KLHL7: variants seen among roughly 807,000 people sequenced by gnomAD.
KLHL7 encodes the protein kelch-like protein 7.
In KLHL7, 44 loss-of-function variants were observed where a neutral mutation model predicts 67.4. The ratio of observed to expected loss-of-function variants is 0.65; its 90% CI spans 0.51 to 0.84. KLHL7 has a LOEUF of 0.84. Ranked by LOEUF, KLHL7 falls within the 40% of genes least tolerant of loss-of-function variation. The pLI, the probability that KLHL7 is intolerant of heterozygous loss-of-function variation, is 0.00. For synonymous variants in KLHL7, 252 were observed against 243.3 expected, an observed-to-expected ratio of 1.04 and a Z score of -0.33; for missense variants, 362 against 718.1, an observed-to-expected ratio of 0.50 and a Z score of 5.67.
In KLHL7 at chr7:23,174,112, A is replaced by G; in HGVS notation, c.1575A>G (p.Ala525=). 1 of 1,614,230 alleles carries G rather than the reference A, an allele frequency of 6.2e-7. No homozygotes were observed. Among genetic ancestry groups the G allele is most frequent in the East Asian group, 2.2e-5 (1 of 44,880 alleles). Reference sequence around the variant, plus strand: ...AGGGTGTAACAGTGAAATGTGCAGCAGTTGGCTCTATAGTTTATGTCTTGG... The same window carrying G: ...AGGGTGTAACAGTGAAATGTGCAGCGGTTGGCTCTATAGTTTATGTCTTGG... ...PWKGVTVKCA[A]VGSIVYVLAG... Residue 525 remains alanine (A), a synonymous_variant, in exon 11 of 11, where the codon GCA becomes GCG. Transcript: ENST00000339077.
chr7:23,162,924 C>T lies in KLHL7; in HGVS notation c.937-2774C>T, dbSNP rs113899596. 3.2e-3 allele frequency among the ~76,000 whole-genome samples: 488 copies of T among 152,178 alleles called. 5 individuals carry two copies. Among genetic ancestry groups the T allele is most frequent in the African/African-American group, 0.011 (452 of 41,518 alleles). Reference sequence around the variant, plus strand: ...CCCTAAGACCCTGCCTTCCCTAATTCGGCTCGATTTTCTCTCAAAATGATC... The same window carrying T: ...CCCTAAGACCCTGCCTTCCCTAATTTGGCTCGATTTTCTCTCAAAATGATC... On this transcript the variant is annotated intron_variant, in intron 7 of 10. Transcript: ENST00000339077.
chr7:23,173,130 G>T, intron 10 of KLHL7, 85 bp downstream of exon 10: 1 of 898,722 alleles, frequency 1.1e-6, no homozygotes, highest in South Asian at 1.3e-5. Flanking sequence ...TAAAAATCTA[G>T]ATAGAAGCAT....
chr7:23,124,073 G>A (rs1393043276), intron 2 of KLHL7, among the ~76,000 whole-genome samples, 194 bp downstream of exon 2: 1 of 151,684 alleles, frequency 6.6e-6, no homozygotes, highest in African/African-American at 2.4e-5. Context: ...AAGGCCTGAT[G>A]CCTTTATTGA....
At chr7:23,163,138 A>T (rs567437114) in intron 7 of KLHL7, among the ~76,000 whole-genome samples, 5 of 152,250 alleles carry the variant, frequency 3.3e-5, no homozygotes, top group East Asian at 3.9e-4. Flanking sequence ...GAAAATATTT[A>T]GAACTTATCA....
In KLHL7 at chr7:23,105,848, G is replaced by C; in HGVS notation, c.-179G>C. 1 of 923,772 alleles carries C rather than the reference G, an allele frequency of 1.1e-6. No homozygotes were observed. Among genetic ancestry groups the C allele is most frequent in the East Asian group, 2.7e-5 (1 of 36,800 alleles). The allele number at this position is 923,772 out of a possible 1,614,324, so 57.2% of individuals were successfully genotyped here. A position where few individuals can be genotyped will look rare whatever the true frequency, so the allele number is the denominator to read the frequency against. On this transcript the variant is annotated 5_prime_UTR_variant, in exon 1 of 11. Transcript: ENST00000339077. ...CTCCCTGAGCGTTTCTAAGGGGGCC[G>C]CCCGGCCTTGTCTTTCGGCAGTGGC...
chr7:23,131,947 C>T (rs145021118), intron 4 of KLHL7, among the ~76,000 whole-genome samples: 109 of 152,156 alleles, frequency 7.2e-4, no homozygotes, highest in African/African-American at 2.5e-3. Flanking sequence ...ACATAATTAT[C>T]TCCAGTTCCA....
chr7:23,120,072 C>G (rs1467682153), intron 1 of KLHL7, among the ~76,000 whole-genome samples: 2 of 151,840 alleles, frequency 1.3e-5, no homozygotes, highest in African/African-American at 2.4e-5. Flanking sequence ...TGCCGTGGCA[C>G]AATCTCGGCT....
In KLHL7 at chr7:23,174,294, C is replaced by T. The variant is rs769373614; in HGVS notation, c.1757C>T (p.Thr586Ile). Residue 586 changes from threonine (T) to isoleucine (I), a missense_variant, in exon 11 of 11, where the codon ACA becomes ATA. Physicochemically the swap from Thr to Ile is moderately conservative, Grantham distance 89. Around this residue, in one of 5 missense-constraint regions of KLHL7, gnomAD observed 136 missense variants for 252.7 expected, o/e 0.54. Transcript: ENST00000339077. ...GGAGCAAATGAAGAGACCCTTGAAA[C>T]ATGAAAAATGAGTGGACTTCAGACT... ...TCGANEETLE[T>I] 5 of 1,613,938 alleles carry T rather than the reference C, an allele frequency of 3.1e-6. No individual in the cohort carries two copies. The highest frequency in any genetic ancestry group is 1.7e-6 in the Non-Finnish European group (2 of 1,179,974).
chr7:23,141,465 T>C (rs1784178688), intron 5 of KLHL7, among the ~76,000 whole-genome samples: 1 of 152,248 alleles, frequency 6.6e-6, no homozygotes, highest in South Asian at 2.1e-4. Flanking sequence ...AAGTGGTTTC[T>C]CCTGTAGAGT....
At chr7:23,157,007 G>A (rs1784727079) in intron 7 of KLHL7, among the ~76,000 whole-genome samples, 1 of 152,206 alleles carries the variant, frequency 6.6e-6, no homozygotes, top group Admixed American at 6.5e-5. Context: ...TGCAGTGCCT[G>A]TATCATAGCC....
At chr7:23,111,743 ACCCG>A (rs1782878878) in intron 1 of KLHL7, among the ~76,000 whole-genome samples, 1 of 143,124 alleles carries the variant, frequency 7.0e-6, no homozygotes, top group African/African-American at 2.6e-5. Context: ...AATTGGTTGA[ACCCG>A]GGAGGCAGAG....
chr7:23,124,040 A>G (rs995917508), intron 2 of KLHL7, among the ~76,000 whole-genome samples, 161 bp downstream of exon 2: 1 of 152,078 alleles, frequency 6.6e-6, no homozygotes, highest in African/African-American at 2.4e-5. Context: ...ACCAAAGGAA[A>G]AAATGTCCTT....
At position 23,123,963 on chromosome 7, in the gene KLHL7, T is replaced by C. The variant is rs117248229; in HGVS notation, c.223+84T>C. On this transcript the variant is annotated intron_variant, in intron 2 of 10. Coordinates refer to ENST00000339077, the MANE Select transcript of KLHL7 (RefSeq NM_001031710.3). Reference sequence around the variant, plus strand: ...AAAAGAGAATATGTCATTTTTCTAATTTTTAAAGCAGTTAAGAACTTAAGG... The same window carrying C: ...AAAAGAGAATATGTCATTTTTCTAACTTTTAAAGCAGTTAAGAACTTAAGG... The C allele has an allele frequency of 6.0e-6, 6 of 1,006,896 alleles. No individual in the cohort carries two copies. The East Asian group carries it at 1.5e-4, about 26-fold the overall frequency. 62.4% of individuals were successfully genotyped at this position (1,006,896 alleles called of 1,614,324 possible).
chr7:23,158,072 C>T (rs1298018067), intron 7 of KLHL7, among the ~76,000 whole-genome samples: 2 of 152,136 alleles, frequency 1.3e-5, no homozygotes, highest in Non-Finnish European at 2.9e-5. Context: ...CTCAAGTGAT[C>T]CCCCACCTCA....
intron 4 of KLHL7, among the ~76,000 whole-genome samples, chr7:23,136,030 C>T (rs1783963789): frequency 6.6e-6 from 1 of 152,094 alleles, no homozygotes; most frequent in Admixed American, 6.6e-5. Context: ...TGGGATTTGC[C>T]CTCCATTGTT....
chr7:23,118,468 T>C (rs1049901097), intron 1 of KLHL7, among the ~76,000 whole-genome samples: 6 of 152,178 alleles, frequency 3.9e-5, no homozygotes, highest in Non-Finnish European at 8.8e-5. Context: ...GGAGCAACCC[T>C]GCCCCAATGA....
intron 4 of KLHL7, among the ~76,000 whole-genome samples, chr7:23,137,216 C>T (rs915654249): frequency 1.3e-5 from 2 of 152,120 alleles, no homozygotes; most frequent in African/African-American, 2.4e-5. Flanking sequence ...ACTCCAGAGG[C>T]GGAGGTTGCA....
At chr7:23,113,837 C>T (rs1388823273) in intron 1 of KLHL7, among the ~76,000 whole-genome samples, 1 of 152,034 alleles carries the variant, frequency 6.6e-6, no homozygotes, top group Non-Finnish European at 1.5e-5. Flanking sequence ...AAAAAAACCC[C>T]CCGAATATTG....
chr7:23,124,190 CAAAAAAAAAAAAAAA>C lies in KLHL7; in HGVS notation c.223+329_223+343del, dbSNP rs149801497. 1.3e-3 allele frequency among the ~76,000 whole-genome samples: 33 copies of C among 25,872 alleles called. 1 individual carries two copies. The East Asian group carries it at 0.025, about 20-fold the overall frequency. The allele number at this position is 25,872 out of a possible 152,430, so 17.0% of individuals were successfully genotyped here. ...TGGGCGTCAGAGCGAGACTCTGTCTCAAAAAAAAAAAAAAAAAAAAAAAAAAAAAAAAGCCCAGGG... is the reference window on the plus strand; with the variant it reads ...TGGGCGTCAGAGCGAGACTCTGTCTCAAAAAAAAAAAAAAAAAGCCCAGGG... On this transcript the variant is annotated intron_variant, in intron 2 of 10. Coordinates refer to ENST00000339077, the MANE Select transcript of KLHL7 (RefSeq NM_001031710.3).
Sources: gnomAD v4.1 joint callset for allele counts (sites outside exome capture counted in the v4.1 genomes callset) on GRCh38, gnomAD v4.1.1 for gene constraint, gnomAD v4.1.1 regional missense constraint, MANE v1.5 for transcripts, NCBI Gene and HGNC (gene_info 2026-07-23, HGNC 2026-07-21) for gene names.